RAPGEF2: variants seen among roughly 807,000 people sequenced by gnomAD.
The protein encoded by RAPGEF2 is Rap guanine nucleotide exchange factor 2.
In RAPGEF2, 54 loss-of-function variants were observed where a neutral mutation model predicts 186.7. That is an observed-to-expected ratio of 0.29 (90% confidence interval 0.23 to 0.36). The LOEUF (loss-of-function observed/expected upper bound fraction) is 0.36, where lower values mean the gene tolerates loss of function less well. RAPGEF2 is among the 10% of genes least tolerant of loss of function. The pLI is 1.00. For missense variants in RAPGEF2, 1,532 were observed against 2,045.0 expected (o/e 0.75, Z 4.84); for synonymous variants, 712 against 705.9 (o/e 1.01, Z -0.14).
Position 159,329,996 on chromosome 4 carries a change from C to T in RAPGEF2, c.1288C>T (p.His430Tyr). The T allele has an allele frequency of 6.2e-7, 1 of 1,612,176 alleles. No homozygotes were observed. The highest frequency in any genetic ancestry group is 1.7e-5 in the Admixed American group (1 of 59,836). The change falls in exon 12 of 30, where the codon CAC (histidine) becomes TAC (tyrosine). Residue 430 changes from histidine to tyrosine, a missense_variant. Transcript: ENST00000691494. ...TGATCGAACTGGAACAAGAAAGGGA[C>T]ACATTGTCATCAAGGTAGGACACAG... ...ELDRTGTRKG[H>Y]IVIKGTSERL...
chr4:159,340,618 A>G lies in RAPGEF2; in HGVS notation c.2535-946A>G, dbSNP rs543651265. Among the ~76,000 whole-genome samples the G allele has an allele frequency of 1.4e-3, 214 of 151,828 alleles. 2 individuals carry two copies. The highest frequency in any genetic ancestry group is 4.9e-4 in the Non-Finnish European group (33 of 67,942). On this transcript the variant is annotated intron_variant, in intron 19 of 29. Transcript: ENST00000691494. ...TCATTTATGGAATTTTCACAGAGAA[A>G]GCATGTGTCTAAAAAACAAAAACAA...
chr4:159,327,222 A>T (rs1468262927), intron 11 of RAPGEF2: 1 of 152,236 alleles, frequency 6.6e-6, no homozygotes, highest in African/African-American at 2.4e-5. Flanking sequence ...TAATCCTATG[A>T]TATAAACTGT....
Position 159,345,121 on chromosome 4 carries a change from T to C in RAPGEF2, c.3294T>C (p.Gly1098=), listed in dbSNP as rs1730099179. 1 of 1,613,784 alleles carries C rather than the reference T, an allele frequency of 6.2e-7. No homozygotes were observed. The highest frequency in any genetic ancestry group is 1.3e-5 in the African/African-American group (1 of 74,888). ...CATCTTCCAGGTCTCTCAGCCAGGG[T>C]AGTACAAATGCAACAGTGCTAGATG... ...KWRSLGSLSQ[G]STNATVLDVA... is the part of the protein sequence containing the mutation. The change falls in exon 24 of 30, where the codon GGT becomes GGC. Residue 1098 remains glycine, a synonymous_variant. Transcript: ENST00000691494.
chr4:159,293,996 T>TG (rs2110976725), intron 7 of RAPGEF2, among the ~76,000 whole-genome samples: 1 of 152,294 alleles, frequency 6.6e-6, no homozygotes, highest in African/African-American at 2.4e-5. Context: ...GAAGGGACGT[T>TG]GGGAAATGTA....
Position 159,193,267 on chromosome 4 carries a change from C to A in RAPGEF2, c.197+11C>A. The A allele has an allele frequency of 6.8e-7, 1 of 1,469,548 alleles. No homozygotes were observed. Among genetic ancestry groups the A allele is most frequent in the South Asian group, 1.4e-5 (1 of 73,276 alleles). 91.0% of individuals were successfully genotyped at this position (1,469,548 alleles called of 1,614,324 possible). On this transcript the variant is annotated intron_variant, in intron 3 of 29. Coordinates refer to ENST00000691494, the MANE Select transcript of RAPGEF2 (RefSeq NM_001394067.2). ...TGAAGTTTTATACTAGTAGGTGTTT[C>A]CTTTTTGTTTGTACAATGTATCTAA...
At position 159,350,207 on chromosome 4, in the gene RAPGEF2, G is replaced by C; in HGVS notation, c.3783G>C (p.Lys1261Asn). ...AAGAAGGAAGTTTGGAACGTCACAA[G>C]AAACAGGCTGAAGATACAATATCAA... ...LSEEGSLERHKKQAEDTISNA... is the reference protein window; with the variant it reads ...LSEEGSLERHNKQAEDTISNA... The change falls in exon 26 of 30, where the codon AAG becomes AAC. Residue 1261 changes from lysine to asparagine, a missense_variant. By Grantham distance (94) the Lys-to-Asn change is moderately conservative. Transcript: ENST00000691494. 1 of 1,593,876 alleles carries C rather than the reference G, an allele frequency of 6.3e-7. No individual in the cohort carries two copies. Among genetic ancestry groups the C allele is most frequent in the Non-Finnish European group, 8.5e-7 (1 of 1,169,716 alleles).
Position 159,354,024 on chromosome 4 carries a change from A to T in RAPGEF2, c.4629A>T (p.Ser1543=). 1 of 1,597,186 alleles carries T rather than the reference A, an allele frequency of 6.3e-7. No homozygotes were observed. The highest frequency in any genetic ancestry group is 8.5e-7 in the Non-Finnish European group (1 of 1,173,702). The stretch of plus-strand genomic sequence containing the variant: ...TGCCTGCCCACATAGCTGTGGCATC[A>T]AGTACTACAAAGGGGCTCATTGGTA... ...VPMPAHIAVA[S]STTKGLIARK... is the part of the protein sequence containing the mutation. Residue 1543 remains serine, a synonymous_variant, in exon 28 of 30, where the codon TCA becomes TCT. Coordinates refer to ENST00000691494, the MANE Select transcript of RAPGEF2 (RefSeq NM_001394067.2).
intron 3 of RAPGEF2, among the ~76,000 whole-genome samples, chr4:159,206,849 A>G (rs1200124189): frequency 6.6e-6 from 1 of 152,220 alleles, no homozygotes; most frequent in Non-Finnish European, 1.5e-5. Flanking sequence ...TGGGGGATGG[A>G]TAGGAGGAGA....
At chr4:159,321,159 A>G (rs1765186188) in intron 9 of RAPGEF2, among the ~76,000 whole-genome samples, 3 of 151,588 alleles carry the variant, frequency 2.0e-5, no homozygotes, top group South Asian at 2.1e-4. Flanking sequence ...TTTAAAGTCC[A>G]GCATGATCTT....
intron 17 of RAPGEF2, among the ~76,000 whole-genome samples, chr4:159,336,112 G>A (rs748059757): frequency 1.3e-5 from 2 of 151,152 alleles, no homozygotes; most frequent in African/African-American, 2.4e-5. Flanking sequence ...ATTTTGTCCC[G>A]GACTGACCTA....
intron 8 of RAPGEF2, among the ~76,000 whole-genome samples, chr4:159,312,616 A>G (rs1764081955): frequency 6.6e-6 from 1 of 152,206 alleles, no homozygotes; most frequent in African/African-American, 2.4e-5. Flanking sequence ...ATCTCTGCTT[A>G]TAATGACCAG....
At position 159,323,311 on chromosome 4, in the gene RAPGEF2, C is replaced by G. The variant is rs917018967; in HGVS notation, c.991-148C>G. On this transcript the variant is annotated intron_variant, in intron 10 of 29. Coordinates refer to ENST00000691494, the MANE Select transcript of RAPGEF2 (RefSeq NM_001394067.2). ...ATGTGGCTGTGTTTTATTCCTTATTCTGTGAACTTGTTAAACAGTAAACTT... is the reference window on the plus strand; with the variant it reads ...ATGTGGCTGTGTTTTATTCCTTATTGTGTGAACTTGTTAAACAGTAAACTT... The G allele has an allele frequency of 5.4e-6, 3 of 552,010 alleles. No individual in the cohort carries two copies. The African/African-American group carries it at 5.8e-5, about 11-fold the overall frequency. 34.2% of individuals were successfully genotyped at this position (552,010 alleles called of 1,614,324 possible).
At chr4:159,175,513 G>A (rs1233820866) in intron 1 of RAPGEF2, among the ~76,000 whole-genome samples, 1 of 152,176 alleles carries the variant, frequency 6.6e-6, no homozygotes, top group Non-Finnish European at 1.5e-5. Context: ...GATGATAGAA[G>A]TTAAACAGTT....
chr4:159,106,166 C>T (rs1737857700), intron 1 of RAPGEF2, among the ~76,000 whole-genome samples: 1 of 152,238 alleles, frequency 6.6e-6, no homozygotes, highest in South Asian at 2.1e-4. Context: ...GCTTTATTGA[C>T]AGTCGGAAGG....
intron 1 of RAPGEF2, among the ~76,000 whole-genome samples, chr4:159,163,820 G>A (rs1744974037): frequency 6.6e-6 from 1 of 151,938 alleles, no homozygotes; most frequent in Middle Eastern, 3.2e-3. Context: ...AAAAACAAAG[G>A]GATTATTACA....
chr4:159,342,878 T>C, intron 20 of RAPGEF2, 101 bp from the exon 21 acceptor site: 1 of 999,120 alleles, frequency 1.0e-6, no homozygotes, highest in Non-Finnish European at 1.5e-6. Context: ...TGTAAATTGT[T>C]ATGCATATAA....
chr4:159,291,625 A>G (rs968383230), intron 7 of RAPGEF2, among the ~76,000 whole-genome samples: 18 of 152,154 alleles, frequency 1.2e-4, no homozygotes, highest in African/African-American at 4.3e-4. Flanking sequence ...TACTTACTGT[A>G]CCTTAGGCAG....
chr4:159,198,363 CT>C (rs1351601997), intron 3 of RAPGEF2, among the ~76,000 whole-genome samples: 4 of 127,858 alleles, frequency 3.1e-5, no homozygotes, highest in Admixed American at 1.7e-4. Context: ...TCCTTCCTTC[CT>C]TTTTTTCTTT....
chr4:159,248,023 A>C (rs1426022137), intron 7 of RAPGEF2, among the ~76,000 whole-genome samples: 1 of 152,024 alleles, frequency 6.6e-6, no homozygotes, highest in African/African-American at 2.4e-5. Flanking sequence ...TGGCCTCCTA[A>C]AGTGCTGGGA....
Sources: allele counts gnomAD v4.1 joint callset (sites outside exome capture counted in the v4.1 genomes callset), GRCh38; gene constraint gnomAD v4.1.1; transcripts MANE v1.5; gene names NCBI Gene and HGNC (gene_info 2026-07-23, HGNC 2026-07-21).